FGGY: variants seen among roughly 807,000 people sequenced by gnomAD.
The protein encoded by FGGY is FGGY carbohydrate kinase domain-containing protein.
FGGY carries 72 observed loss-of-function variants against 71.3 expected under a neutral mutation model. That is an observed-to-expected ratio of 1.01 (90% confidence interval 0.84 to 1.23). FGGY has a LOEUF of 1.23. Among genes scored for constraint, FGGY ranks in the 50% most tolerant of loss-of-function variants. FGGY has a pLI of 0.00. For synonymous variants in FGGY, 251 were observed against 250.3 expected (o/e 1.00, Z -0.02); for missense variants, 668 against 682.3 (o/e 0.98, Z 0.23).
chr1:59,740,590 T>C (rs1327215556), intron 14 of FGGY, among the ~76,000 whole-genome samples: 1 of 152,246 alleles, frequency 6.6e-6, no homozygotes, highest in Non-Finnish European at 1.5e-5. Context: ...GGGCTTTCTA[T>C]TGATTATTTA....
At chr1:59,741,674 G>T (rs1353953016) in intron 14 of FGGY, among the ~76,000 whole-genome samples, 1 of 152,024 alleles carries the variant, frequency 6.6e-6, no homozygotes, top group African/African-American at 2.4e-5. Flanking sequence ...GGCGGGCGAG[G>T]CGCGGTGGCT....
At chr1:59,720,935 C>T (rs1043298304) in intron 14 of FGGY, among the ~76,000 whole-genome samples, 6 of 152,320 alleles carry the variant, frequency 3.9e-5, no homozygotes, top group South Asian at 4.1e-4. Context: ...GGTCTGGCTT[C>T]GTTGCTCTCT....
chr1:59,493,641 G>C (rs1202435093), intron 6 of FGGY, among the ~76,000 whole-genome samples: 1 of 152,064 alleles, frequency 6.6e-6, no homozygotes, highest in Non-Finnish European at 1.5e-5. Flanking sequence ...GGGGGAAGGG[G>C]GAAAGGAGAA....
chr1:59,579,502 TCTC>T (rs1184498068), intron 8 of FGGY, among the ~76,000 whole-genome samples: 21 of 152,156 alleles, frequency 1.4e-4, no homozygotes, highest in Non-Finnish European at 2.8e-4. Flanking sequence ...CCCCAGGAAA[TCTC>T]CTCTCACTGT....
chr1:59,587,436 A>G (rs1354413002), intron 8 of FGGY, among the ~76,000 whole-genome samples: 14 of 152,132 alleles, frequency 9.2e-5, no homozygotes, highest in African/African-American at 3.1e-4. Context: ...AGCTTTGAAG[A>G]GAGCAGTGGT....
chr1:59,316,435 C>T (rs1408271695), intron 1 of FGGY: 1 of 152,196 alleles, frequency 6.6e-6, no homozygotes, highest in Non-Finnish European at 1.5e-5. Context: ...ACAATCCCCA[C>T]ATTATCGGTT....
At position 59,464,454 on chromosome 1, in the gene FGGY, A is replaced by G. The variant is rs139079485; in HGVS notation, c.670+7378A>G. 3.3e-3 allele frequency among the ~76,000 whole-genome samples: 503 copies of G among 152,326 alleles called. 3 individuals carry two copies. Among genetic ancestry groups the G allele is most frequent in the African/African-American group, 0.011 (470 of 41,564 alleles). ...GACACCCTAACATCACAATTAAAAG[A>G]ACTAGAGAAGCAAGGGCAAACACAT... On this transcript the variant is annotated intron_variant, in intron 6 of 15. Coordinates refer to ENST00000303721, the MANE Select transcript of FGGY (RefSeq NM_018291.5).
intron 8 of FGGY, among the ~76,000 whole-genome samples, chr1:59,588,195 G>C (rs71494204): frequency 6.6e-6 from 1 of 151,954 alleles, no homozygotes; most frequent in African/African-American, 2.4e-5. Context: ...AGGGTATCAG[G>C]GATGGAAGAT....
chr1:59,491,053 T>TTCCCTCCCTCCCTC lies in FGGY; in HGVS notation c.671-21258_671-21257insTCCCTCCCTCCCTC, dbSNP rs1570025870. Among the ~76,000 whole-genome samples, 2 of 2,038 alleles carry TTCCCTCCCTCCCTC rather than the reference T, an allele frequency of 9.8e-4. 1 individual carries two copies. The highest frequency in any genetic ancestry group is 9.3e-3 in the African/African-American group (2 of 216). 1.3% of individuals were successfully genotyped at this position (2,038 alleles called of 152,430 possible). A position where few individuals can be genotyped will look rare whatever the true frequency, so the allele number is the denominator to read the frequency against. On this transcript the variant is annotated intron_variant, in intron 6 of 15. Transcript: ENST00000303721. ...CCTTTCCTTTCCTTCCTTCCTTCCTTCCTTCCTTCCTTCCTTCCTTCCTTC... is the reference window on the plus strand; with the variant it reads ...CCTTTCCTTTCCTTCCTTCCTTCCTTTCCCTCCCTCCCTCCCTTCCTTCCTTCCTTCCTTCCTTC...
At chr1:59,547,434 C>T (rs967389720) in intron 7 of FGGY, among the ~76,000 whole-genome samples, 18 of 152,054 alleles carry the variant, frequency 1.2e-4, no homozygotes, top group African/African-American at 4.1e-4. Context: ...GTGAACTCCA[C>T]GAGATAATGT....
At chr1:59,704,575 T>A (rs1178393620) in intron 14 of FGGY, among the ~76,000 whole-genome samples, 49 of 152,170 alleles carry the variant, frequency 3.2e-4, no homozygotes, top group Admixed American at 3.2e-3. Context: ...TAACTTTTTT[T>A]ATCTACAAGA....
intron 13 of FGGY, among the ~76,000 whole-genome samples, chr1:59,667,901 G>T (rs896044025): frequency 2.0e-5 from 3 of 152,186 alleles, no homozygotes; most frequent in Admixed American, 1.3e-4. Flanking sequence ...TGTCTGGTTT[G>T]GGACCTAATG....
chr1:59,328,578 T>C (rs1395947619), intron 2 of FGGY, among the ~76,000 whole-genome samples: 1 of 152,216 alleles, frequency 6.6e-6, no homozygotes, highest in Non-Finnish European at 1.5e-5. Flanking sequence ...AGTAGCGCTT[T>C]TAGTTTTCCT....
At chr1:59,696,913 G>C (rs2097664785) in intron 14 of FGGY, among the ~76,000 whole-genome samples, 2 of 152,036 alleles carry the variant, frequency 1.3e-5, no homozygotes, top group African/African-American at 4.8e-5. Context: ...GAAGTGCTTT[G>C]TGCATGGCCA....
chr1:59,481,860 AACACATGTTT>A (rs1328061725), intron 6 of FGGY, among the ~76,000 whole-genome samples: 1 of 152,204 alleles, frequency 6.6e-6, no homozygotes, highest in Non-Finnish European at 1.5e-5. Flanking sequence ...TATATGAAGA[AACACATGTTT>A]ACCCATGGGA....
At chr1:59,743,537 C>T (rs1012392003) in intron 14 of FGGY, among the ~76,000 whole-genome samples, 2 of 151,946 alleles carry the variant, frequency 1.3e-5, no homozygotes, top group Non-Finnish European at 1.5e-5. Flanking sequence ...AAGGAAGCAA[C>T]TTATTCAAAA....
intron 2 of FGGY, among the ~76,000 whole-genome samples, 160 bp downstream of exon 2, chr1:59,321,910 T>A (rs2046460273): frequency 6.6e-6 from 1 of 152,324 alleles, no homozygotes; most frequent in Non-Finnish European, 1.5e-5. Flanking sequence ...TGGCAGAGAC[T>A]GATAAACAGC....
At chr1:59,749,678 A>G (rs925801593) in intron 14 of FGGY, among the ~76,000 whole-genome samples, 1 of 152,204 alleles carries the variant, frequency 6.6e-6, no homozygotes, top group Non-Finnish European at 1.5e-5. Context: ...CTTGCATGCT[A>G]AAGGGATAAT....
intron 6 of FGGY, among the ~76,000 whole-genome samples, chr1:59,502,101 C>T (rs940297314): frequency 2.0e-5 from 3 of 152,094 alleles, no homozygotes; most frequent in East Asian, 1.9e-4. Flanking sequence ...GTGAGGAAAC[C>T]GTTGCAGGGA....
Sources: gnomAD v4.1 joint callset for allele counts (sites outside exome capture counted in the v4.1 genomes callset) on GRCh38, gnomAD v4.1.1 for gene constraint, MANE v1.5 for transcripts, NCBI Gene and HGNC (gene_info 2026-07-23, HGNC 2026-07-21) for gene names.